The following NAALADL2 variants were observed in gnomAD, a reference collection of about 807,000 sequenced individuals.
The protein encoded by NAALADL2 is N-acetylated alpha-linked acidic dipeptidase like 2, also known as inactive N-acetylated-alpha-linked acidic dipeptidase-like protein 2.
NAALADL2 carries 76 observed loss-of-function variants against 87.2 expected under a neutral mutation model. That is an observed-to-expected ratio of 0.87 (90% CI 0.72 to 1.05). The LOEUF is 1.05. NAALADL2 is among the 50% of genes least tolerant of loss of function. The pLI, the probability that NAALADL2 is intolerant of heterozygous loss-of-function variation, is 0.00. For synonymous variants in NAALADL2, 354 were observed against 331.0 expected (o/e 1.07, Z -0.75); for missense variants, 1,089 against 945.8 (o/e 1.15, Z -1.99).
At chr3:174,509,400 CTTT>C (rs1719439338) in intron 1 of NAALADL2, among the ~76,000 whole-genome samples, 3 of 77,386 alleles carry the variant, frequency 3.9e-5, no homozygotes, top group South Asian at 5.5e-4. Flanking sequence ...CTCTTCCTTT[CTTT>C]CTTTTTTTTT....
chr3:174,520,823 AC>A (rs1720229439), intron 1 of NAALADL2, among the ~76,000 whole-genome samples: 1 of 152,214 alleles, frequency 6.6e-6, no homozygotes, highest in African/African-American at 2.4e-5. Context: ...CAAAGGACTA[AC>A]ATCCAGAATC....
intron 1 of NAALADL2, among the ~76,000 whole-genome samples, chr3:175,050,849 T>G (rs1485298670): frequency 1.3e-5 from 2 of 152,168 alleles, no homozygotes; most frequent in Admixed American, 6.6e-5. Context: ...GCTTCAAAAC[T>G]ATGTCAGCAG....
chr3:175,082,354 TTCTA>T (rs1287444681), intron 1 of NAALADL2, among the ~76,000 whole-genome samples: 2 of 152,218 alleles, frequency 1.3e-5, no homozygotes, highest in Admixed American at 6.5e-5. Flanking sequence ...AGTTTATTAT[TTCTA>T]TCTTATTTTG....
intron 2 of NAALADL2, among the ~76,000 whole-genome samples, chr3:174,719,107 C>T (rs554023481): frequency 6.6e-5 from 10 of 152,228 alleles, no homozygotes; most frequent in African/African-American, 4.8e-5. Flanking sequence ...ATTCACCATG[C>T]TTCATTTGCT....
At chr3:175,793,818 A>C (rs1296839452) in intron 13 of NAALADL2, among the ~76,000 whole-genome samples, 2 of 152,200 alleles carry the variant, frequency 1.3e-5, no homozygotes, top group Non-Finnish European at 2.9e-5. Context: ...CTAAGCAACT[A>C]ACACAGTGAC....
chr3:175,519,535 G>A (rs1016291236), intron 9 of NAALADL2, among the ~76,000 whole-genome samples: 10 of 152,150 alleles, frequency 6.6e-5, no homozygotes, highest in African/African-American at 2.4e-4. Context: ...GCAGAATAGA[G>A]ACAGACTTGA....
chr3:175,661,565 T>C (rs542329446), intron 11 of NAALADL2, among the ~76,000 whole-genome samples: 1 of 137,748 alleles, frequency 7.3e-6, no homozygotes, highest in Admixed American at 6.8e-5. Context: ...GAGTTCTTTC[T>C]AAAAACTTTT....
chr3:175,557,916 C>A (rs112809759), intron 9 of NAALADL2, among the ~76,000 whole-genome samples: 1 of 152,022 alleles, frequency 6.6e-6, no homozygotes, highest in Non-Finnish European at 1.5e-5. Flanking sequence ...TAATCAGGGC[C>A]GGGCGCGGTG....
At chr3:174,929,214 G>T (rs967887833) in intron 1 of NAALADL2, among the ~76,000 whole-genome samples, 7 of 152,176 alleles carry the variant, frequency 4.6e-5, no homozygotes, top group African/African-American at 1.4e-4. Flanking sequence ...GGAGAGCGGG[G>T]CTCTGTGTTT....
chr3:174,759,582 A>T (rs1424991044), intron 3 of NAALADL2, among the ~76,000 whole-genome samples: 1 of 152,342 alleles, frequency 6.6e-6, no homozygotes, highest in East Asian at 1.9e-4. Flanking sequence ...ATTGAAGATT[A>T]GTTTTCAATT....
In NAALADL2 at chr3:175,474,249, C is replaced by A. The variant is rs377724747; in HGVS notation, c.1653+2491C>A. Among the ~76,000 whole-genome samples the A allele has an allele frequency of 1.2e-4, 19 of 152,204 alleles. No homozygotes were observed. The East Asian group carries it at 1.7e-3, about 14-fold the overall frequency. ...GCAATATGTAGATTACAAAAGATTT[C>A]ATCAAGTTCATATAATAGATTTAAA... On this transcript the variant is annotated intron_variant, in intron 9 of 13. Coordinates refer to ENST00000454872, the MANE Select transcript of NAALADL2 (RefSeq NM_207015.3).
At chr3:175,165,726 C>A (rs1182333428) in intron 2 of NAALADL2, among the ~76,000 whole-genome samples, 3 of 152,098 alleles carry the variant, frequency 2.0e-5, no homozygotes, top group Non-Finnish European at 4.4e-5. Flanking sequence ...CCCTGCACAG[C>A]ACATACCCTG....
intron 2 of NAALADL2, among the ~76,000 whole-genome samples, chr3:174,643,378 G>A (rs1223219892): frequency 1.3e-5 from 2 of 152,174 alleles, no homozygotes; most frequent in African/African-American, 2.4e-5. Flanking sequence ...TTCCAGCCAG[G>A]TGCAGTGGCT....
intron 1 of NAALADL2, among the ~76,000 whole-genome samples, chr3:174,926,286 G>C (rs1478404761): frequency 6.6e-6 from 1 of 151,978 alleles, no homozygotes; most frequent in Non-Finnish European, 1.5e-5. Flanking sequence ...AACACTGCAG[G>C]GTATTATCCA....
At chr3:174,572,778 C>A (rs12488171) in intron 2 of NAALADL2, among the ~76,000 whole-genome samples, 23,218 of 152,036 alleles carry the variant, frequency 0.15, 1,912 homozygotes, top group Non-Finnish European at 0.17. Flanking sequence ...AAGTGTAGGA[C>A]TAAATCTTTA....
At chr3:175,155,293 GTGA>G (rs1732142717) in intron 2 of NAALADL2, among the ~76,000 whole-genome samples, 1 of 152,170 alleles carries the variant, frequency 6.6e-6, no homozygotes, top group Non-Finnish European at 1.5e-5. Context: ...TTCCTTGCTA[GTGA>G]GTACCTGTTT....
chr3:175,201,299 A>G (rs983173610), intron 2 of NAALADL2, among the ~76,000 whole-genome samples: 2 of 152,206 alleles, frequency 1.3e-5, no homozygotes, highest in African/African-American at 4.8e-5. Context: ...GTTGATAAAA[A>G]TTAAATTCTA....
intron 1 of NAALADL2, among the ~76,000 whole-genome samples, chr3:174,508,809 A>T (rs933093477): frequency 1.3e-5 from 2 of 152,182 alleles, no homozygotes; most frequent in Admixed American, 1.3e-4. Flanking sequence ...GCACTTTGGG[A>T]GGCCGAGGTG....
intron 9 of NAALADL2, among the ~76,000 whole-genome samples, chr3:175,488,579 G>C (rs757111172): frequency 1.3e-5 from 2 of 152,142 alleles, no homozygotes; most frequent in Non-Finnish European, 2.9e-5. Flanking sequence ...GAGTAATAAA[G>C]TGTTTTCCCC....
Sources: gnomAD v4.1 joint callset for allele counts (sites outside exome capture counted in the v4.1 genomes callset) on GRCh38, gnomAD v4.1.1 for gene constraint, MANE v1.5 for transcripts, NCBI Gene and HGNC (gene_info 2026-07-23, HGNC 2026-07-21) for gene names.